Variants in TRIP12 observed in about 807,000 individuals in gnomAD.
TRIP12 encodes the protein thyroid hormone receptor interactor 12.
Under a neutral mutation model 244.2 loss-of-function variants are expected in TRIP12, and 25 were observed. That is an observed-to-expected ratio of 0.10 (90% CI 0.07 to 0.14). The LOEUF (loss-of-function observed/expected upper bound fraction) is 0.14, where lower values mean the gene tolerates loss of function less well. TRIP12 is among the 10% of genes least tolerant of loss of function. The pLI, the probability that TRIP12 is intolerant of heterozygous loss-of-function variation, is 1.00. For missense variants in TRIP12, 1,677 were observed against 2,486.4 expected (o/e 0.67, Z 6.92); for synonymous variants, 905 against 873.1 (o/e 1.04, Z -0.64).
intron 4 of TRIP12, among the ~76,000 whole-genome samples, chr2:229,849,061 C>G (rs1299074670): frequency 3.3e-5 from 5 of 152,050 alleles, no homozygotes; most frequent in Admixed American, 3.3e-4. Context: ...AGGCTGAAGC[C>G]GTATAACCAG....
chr2:229,872,499 G>T (rs895773058), intron 2 of TRIP12, among the ~76,000 whole-genome samples: 1 of 152,132 alleles, frequency 6.6e-6, no homozygotes, highest in African/African-American at 2.4e-5. Context: ...GGGAGGCAGA[G>T]GTTGCAGTGA....
chr2:229,921,214 C>CG (rs949058834), intron 1 of TRIP12: 6 of 152,418 alleles, frequency 3.9e-5, no homozygotes, highest in African/African-American at 1.4e-4. Context: ...ACCCCGTCTC[C>CG]GGGCTCGCCC....
rs1322922813 is a variant in TRIP12 at position 229,820,232 on chromosome 2, C to T, written c.1451-1720G>A. Among the ~76,000 whole-genome samples, 5 of 151,962 alleles carry T rather than the reference C, an allele frequency of 3.3e-5. No homozygotes were observed. In the East Asian group the frequency reaches 9.6e-4, roughly 29 times the overall value. On this transcript the variant is annotated intron_variant, in intron 8 of 41. Transcript: ENST00000675903. ...AAAGAAAGAACCAACATGTATGCAA[C>T]TAGATGGAGGTCTTATAACCATTGG...
chr2:229,908,558 C>T (rs1480405221), intron 1 of TRIP12, among the ~76,000 whole-genome samples: 1 of 150,468 alleles, frequency 6.6e-6, no homozygotes, highest in African/African-American at 2.5e-5. Context: ...TGGTGAAACC[C>T]CGTCTCTATT....
intron 2 of TRIP12, among the ~76,000 whole-genome samples, chr2:229,877,097 A>G (rs2063737101): frequency 6.6e-6 from 1 of 152,040 alleles, no homozygotes; most frequent in Non-Finnish European, 1.5e-5. Context: ...TTTTGCATCA[A>G]GTTAAATACA....
At position 229,767,522 on chromosome 2, in the gene TRIP12, G is replaced by GT. The variant is rs1436229842; in HGVS notation, c.*31dup. 2 of 1,555,210 alleles carry GT rather than the reference G, an allele frequency of 1.3e-6. No homozygotes were observed. The highest frequency in any genetic ancestry group is 8.7e-7 in the Non-Finnish European group (1 of 1,150,646). On this transcript the variant is annotated 3_prime_UTR_variant, in exon 42 of 42. Coordinates refer to ENST00000675903, the MANE Select transcript of TRIP12 (RefSeq NM_001348323.3). ...GAAATCATGATTTGTTTCTTTTGCTGTAACAGGCAGACACTGCATTTCTTG... is the reference window on the plus strand; with the variant it reads ...GAAATCATGATTTGTTTCTTTTGCTGTTAACAGGCAGACACTGCATTTCTTG...
intron 21 of TRIP12, among the ~76,000 whole-genome samples, chr2:229,799,988 A>G (rs1187927785): frequency 6.6e-6 from 1 of 152,208 alleles, no homozygotes; most frequent in Non-Finnish European, 1.5e-5. Flanking sequence ...GTAGTATATA[A>G]GTACATAAAG....
rs184765555 is a variant in TRIP12 at position 229,864,302 on chromosome 2, T to C, written c.99-3771A>G. On this transcript the variant is annotated intron_variant, in intron 2 of 41. Transcript: ENST00000675903. ...AAAAATTAAATCTCCCAATAAAATT[T>C]GCACCAATAAATCCACTTGAGACTT... Among the ~76,000 whole-genome samples the C allele has an allele frequency of 2.0e-5, 3 of 152,352 alleles. No individual in the cohort carries two copies. In the East Asian group the frequency reaches 5.8e-4, roughly 29 times the overall value.
chr2:229,774,286 A>G (rs1332965513), intron 37 of TRIP12, 25 bp from the exon 38 acceptor site: 1 of 1,587,656 alleles, frequency 6.3e-7, no homozygotes, highest in Non-Finnish European at 8.5e-7. Context: ...TGGGGGAGAA[A>G]TGGTGTCAAG....
intron 36 of TRIP12, among the ~76,000 whole-genome samples, 154 bp from the exon 37 acceptor site, chr2:229,777,633 CA>C (rs1330902518): frequency 6.6e-6 from 1 of 152,148 alleles, no homozygotes; most frequent in Admixed American, 6.5e-5. Context: ...TCCCACTACA[CA>C]AAATTGATTC....
At chr2:229,840,645 T>C (rs190273456) in intron 5 of TRIP12, among the ~76,000 whole-genome samples, 177 bp downstream of exon 5, 1 of 152,188 alleles carries the variant, frequency 6.6e-6, no homozygotes, top group Admixed American at 6.5e-5. Context: ...CAGGTTGCAG[T>C]GAGCCAAGAT....
In TRIP12 at chr2:229,771,650, T is replaced by C; in HGVS notation, c.5695-18A>G. On this transcript the variant is annotated intron_variant, in intron 38 of 41. Transcript: ENST00000675903. ...ATAACCAGCTGCAAAAAGAAAGTTT[T>C]CAAAAAACTGTGACAAGATTTCAAA... The C allele has an allele frequency of 6.3e-7, 1 of 1,586,558 alleles. No homozygotes were observed. Among genetic ancestry groups the C allele is most frequent in the Non-Finnish European group, 8.7e-7 (1 of 1,155,980 alleles).
chr2:229,871,332 T>G (rs1440400413), intron 2 of TRIP12, among the ~76,000 whole-genome samples: 1 of 152,170 alleles, frequency 6.6e-6, no homozygotes, highest in African/African-American at 2.4e-5. Flanking sequence ...AGTAATATGG[T>G]TTATATGTTT....
At chr2:229,773,981 G>A (rs1245572103) in intron 38 of TRIP12, 116 bp downstream of exon 38, 32 of 1,062,644 alleles carry the variant, frequency 3.0e-5, no homozygotes, top group Non-Finnish European at 3.0e-5. Context: ...TCATGCAGTG[G>A]TCCTGGGGAT....
intron 32 of TRIP12, 61 bp from the exon 33 acceptor site, chr2:229,787,722 A>T: frequency 1.4e-6 from 2 of 1,423,468 alleles, no homozygotes; most frequent in African/African-American, 2.9e-5. Context: ...ACTAAAAAAA[A>T]AATCCAAACT....
chr2:229,883,793 ATGACTTTTCATT>A (rs2154356420), intron 1 of TRIP12, among the ~76,000 whole-genome samples: 1 of 152,368 alleles, frequency 6.6e-6, no homozygotes, highest in East Asian at 1.9e-4. Context: ...TTTAAGTTAA[ATGACTTTTCATT>A]TTATGTGAAA....
chr2:229,909,196 T>C (rs963901676), intron 1 of TRIP12, among the ~76,000 whole-genome samples: 3 of 152,086 alleles, frequency 2.0e-5, no homozygotes, highest in Non-Finnish European at 4.4e-5. Flanking sequence ...TATATCTTTA[T>C]AATCCTAAAT....
chr2:229,859,078 CAGA>C lies in TRIP12; in HGVS notation c.718_720del (p.Ser240del), dbSNP rs1275981252. 7 of 1,614,206 alleles carry C rather than the reference CAGA, an allele frequency of 4.3e-6. No homozygotes were observed. The highest frequency in any genetic ancestry group is 5.9e-6 in the Non-Finnish European group (7 of 1,180,036). ...GAAGACGAGGAGGAAGTAGAGGCAG[CAGA>C]AGAAGAATCAGTGATGGTGCTACAC... On this transcript the variant is annotated inframe_deletion, in exon 4 of 42. Transcript: ENST00000675903.
chr2:229,802,279 T>A lies in TRIP12; in HGVS notation c.3179A>T (p.Asp1060Val). Residue 1060 changes from aspartate to valine, a missense_variant, in exon 21 of 42, where the codon GAT becomes GTT. Asp to Val is a radical substitution (Grantham distance 152). This residue lies in a region of TRIP12 where 572 missense variants were observed against 867.8 expected (regional missense o/e 0.66). Transcript: ENST00000675903. ...TTGAGGGCTGAGATCTAAAGAATCATCCCTGCTGTGCTGCAAGCTGGGTGA... is the reference window on the plus strand; with the variant it reads ...TTGAGGGCTGAGATCTAAAGAATCAACCCTGCTGTGCTGCAAGCTGGGTGA... ...LGSPSLQHSR[D>V]DSLDLSPQGR... is the part of the protein sequence containing the mutation. 1 of 1,609,560 alleles carries A rather than the reference T, an allele frequency of 6.2e-7. No homozygotes were observed. The highest frequency in any genetic ancestry group is 1.3e-5 in the African/African-American group (1 of 74,976).
Sources: gnomAD v4.1 joint callset for allele counts (sites outside exome capture counted in the v4.1 genomes callset) on GRCh38, gnomAD v4.1.1 for gene constraint, gnomAD v4.1.1 regional missense constraint, MANE v1.5 for transcripts, NCBI Gene and HGNC (gene_info 2026-07-23, HGNC 2026-07-21) for gene names.